The following TMCO5A variants were observed in gnomAD, a reference collection of about 807,000 sequenced individuals.
TMCO5A encodes transmembrane and coiled-coil domain-containing protein 5A.
Under a neutral mutation model 42.3 loss-of-function variants are expected in TMCO5A, and 34 were observed. That is an observed-to-expected ratio of 0.80 (90% CI 0.61 to 1.07). The LOEUF (loss-of-function observed/expected upper bound fraction) is 1.07, where lower values mean the gene tolerates loss of function less well. Ranked by LOEUF, TMCO5A falls within the 50% of genes least tolerant of loss-of-function variation. TMCO5A has a pLI of 0.00. For synonymous variants in TMCO5A, 131 were observed against 115.6 expected (o/e 1.13, Z -0.86); for missense variants, 357 against 327.9 (o/e 1.09, Z -0.69).
At chr15:37,977,545 G>T in the TMCO5A span, among the ~76,000 whole-genome samples, 1 of 152,218 alleles carries the variant, frequency 6.6e-6, no homozygotes, top group Non-Finnish European at 1.5e-5. Context: ...ATAGCCAGTA[G>T]ATACGCTCTT....
At chr15:37,991,841 T>C in the TMCO5A span, among the ~76,000 whole-genome samples, 4 of 152,112 alleles carry the variant, frequency 2.6e-5, no homozygotes, top group African/African-American at 9.7e-5. Context: ...GCTTACACCA[T>C]GTACAAAAAC....
chr15:37,956,991 A>T (rs1430594080), intron 11 of TMCO5A, among the ~76,000 whole-genome samples: 2 of 152,212 alleles, frequency 1.3e-5, no homozygotes, highest in African/African-American at 4.8e-5. Context: ...GACAAAAACC[A>T]TATGATTATC....
chr15:37,954,887 T>A (rs575934229), downstream of TMCO5A, among the ~76,000 whole-genome samples: 7 of 152,128 alleles, frequency 4.6e-5, no homozygotes, highest in African/African-American at 1.7e-4. Flanking sequence ...TAGCTTAAAA[T>A]AATGGGTTAT....
rs556778512 is a variant in TMCO5A at position 37,942,187 on chromosome 15, G to T, written c.505-4G>T. 1 of 1,612,248 alleles carries T rather than the reference G, an allele frequency of 6.2e-7. No individual in the cohort carries two copies. The highest frequency in any genetic ancestry group is 1.3e-5 in the African/African-American group (1 of 74,880). On this transcript the variant is annotated splice_region_variant and splice_polypyrimidine_tract_variant and intron_variant, in intron 8 of 11. Transcript: ENST00000319669. ...ACTGTGGCTTTCTTTGTTTCTCTTTGAAGAAGTACCAGGAAACGTTGAAGA... is the reference window on the plus strand; with the variant it reads ...ACTGTGGCTTTCTTTGTTTCTCTTTTAAGAAGTACCAGGAAACGTTGAAGA...
chr15:37,966,935 C>T (rs1595612303), exon 12 of TMCO5A: 3 of 442,528 alleles, frequency 6.8e-6, no homozygotes, highest in Non-Finnish European at 1.2e-5. Flanking sequence ...ATTTCTCCCA[C>T]TAAAAGGGGC....
the TMCO5A span, chr15:37,984,913 T>C: frequency 1.3e-5 from 2 of 152,032 alleles, no homozygotes; most frequent in African/African-American, 4.8e-5. Context: ...TAAACTACTC[T>C]TACAAGTGAA....
At chr15:38,038,101 A>G in the TMCO5A span, among the ~76,000 whole-genome samples, 1 of 152,136 alleles carries the variant, frequency 6.6e-6, no homozygotes, top group African/African-American at 2.4e-5. Flanking sequence ...TCACCATCCT[A>G]TTTGCTCCAT....
the TMCO5A span, chr15:38,004,953 C>T: frequency 6.6e-6 from 1 of 152,312 alleles, no homozygotes; most frequent in African/African-American, 2.4e-5. Flanking sequence ...CCGTCTTGCT[C>T]TCCCTTCTGT....
the TMCO5A span, among the ~76,000 whole-genome samples, chr15:37,986,422 TG>T: frequency 6.6e-6 from 1 of 150,766 alleles, no homozygotes; most frequent in East Asian, 1.9e-4. Context: ...TGTGTGTGTG[TG>T]TTTAAATCAA....
At chr15:38,007,394 CT>C in the TMCO5A span, among the ~76,000 whole-genome samples, 1 of 152,204 alleles carries the variant, frequency 6.6e-6, no homozygotes. Context: ...CAGAATACTT[CT>C]ACCTGAAATA....
intron 6 of TMCO5A, 51 bp downstream of exon 6, chr15:37,938,280 C>A: frequency 7.0e-7 from 1 of 1,436,484 alleles, no homozygotes; most frequent in Non-Finnish European, 9.5e-7. Context: ...AACCAGGAAA[C>A]AAGCTGTTAA....
the TMCO5A span, among the ~76,000 whole-genome samples, chr15:38,020,811 T>C: frequency 6.6e-6 from 1 of 152,070 alleles, no homozygotes; most frequent in Non-Finnish European, 1.5e-5. Flanking sequence ...AACTAGTAAA[T>C]TCTGAAGAAA....
At chr15:38,031,802 G>A in the TMCO5A span, among the ~76,000 whole-genome samples, 2 of 152,112 alleles carry the variant, frequency 1.3e-5, no homozygotes, top group South Asian at 2.1e-4. Flanking sequence ...CTGAGCTCTA[G>A]AGTAATTTAT....
the TMCO5A span, among the ~76,000 whole-genome samples, chr15:38,010,337 TGCACTCCA>T: frequency 1.5e-5 from 2 of 134,412 alleles, no homozygotes; most frequent in Non-Finnish European, 1.5e-5. Context: ...ATCGCGCCAC[TGCACTCCA>T]GCACTCCAGC....
At chr15:37,942,071 A>G in intron 8 of TMCO5A, 120 bp from the exon 9 acceptor site, 1 of 910,692 alleles carries the variant, frequency 1.1e-6, no homozygotes, top group Non-Finnish European at 1.7e-6. Flanking sequence ...GAAAGCAGAG[A>G]AAGTGGCAGT....
intron 3 of TMCO5A, 127 bp from the exon 4 acceptor site, chr15:37,936,720 A>AG: frequency 7.3e-7 from 1 of 1,362,946 alleles, no homozygotes; most frequent in Non-Finnish European, 9.9e-7. Context: ...GGATTCAGTA[A>AG]GGAAGAGTTT....
chr15:37,950,904 G>C (rs1406878893), intron 11 of TMCO5A, 132 bp from the exon 12 acceptor site: 2 of 717,756 alleles, frequency 2.8e-6, no homozygotes, highest in South Asian at 1.9e-5. Context: ...CATTATAAAA[G>C]GTTGTCAGGA....
At chr15:37,941,965 C>A (rs1324366078) in intron 8 of TMCO5A, among the ~76,000 whole-genome samples, 2 of 152,064 alleles carry the variant, frequency 1.3e-5, no homozygotes, top group East Asian at 3.9e-4. Context: ...GTTAATAATT[C>A]ACACTTCTGC....
the TMCO5A span, among the ~76,000 whole-genome samples, chr15:38,015,551 T>C: frequency 6.6e-6 from 1 of 152,178 alleles, no homozygotes; most frequent in Non-Finnish European, 1.5e-5. Flanking sequence ...TATTCTTTGG[T>C]ATTTACCCAA....
Sources: gnomAD v4.1 joint callset for allele counts (sites outside exome capture counted in the v4.1 genomes callset) on GRCh38, gnomAD v4.1.1 for gene constraint, MANE v1.5 for transcripts, NCBI Gene and HGNC (gene_info 2026-07-23, HGNC 2026-07-21) for gene names.